The following KRT25 variants were observed in gnomAD, a reference collection of about 807,000 sequenced individuals.
KRT25 encodes keratin, type I cytoskeletal 25.
A neutral mutation model predicts 47.6 loss-of-function variants in KRT25; 37 were observed. The observed-to-expected ratio is 0.78, with a 90% CI of 0.60 to 1.02. The LOEUF is 1.02. Ranked by LOEUF, KRT25 falls within the 50% of genes least tolerant of loss-of-function variation. The pLI is 0.00. For missense variants in KRT25, 542 were observed against 550.3 expected (o/e 0.98, Z 0.15); for synonymous variants, 203 against 210.2 (o/e 0.97, Z 0.30).
intron 6 of KRT25, 75 bp downstream of exon 6, chr17:40,750,305 T>C (rs1175770211): frequency 1.1e-5 from 16 of 1,462,966 alleles, no homozygotes; most frequent in Non-Finnish European, 1.4e-5. Flanking sequence ...ATGTCCGCTT[T>C]CCAGTGGAAA....
At chr17:40,749,386 A>G (rs1376920226) in intron 6 of KRT25, 61 bp from the exon 7 acceptor site, 4 of 1,229,832 alleles carry the variant, frequency 3.3e-6, no homozygotes, top group African/African-American at 1.5e-5. Flanking sequence ...TAGGATCACC[A>G]TATGGTTTTC....
At chr17:40,748,591 C>T (rs1567659844) in intron 7 of KRT25, among the ~76,000 whole-genome samples, 1 of 152,092 alleles carries the variant, frequency 6.6e-6, no homozygotes, top group Non-Finnish European at 1.5e-5. Flanking sequence ...GCACAAATCA[C>T]TAATATTAGA....
At chr17:40,751,860 G>GTA (rs375084688) in intron 3 of KRT25, among the ~76,000 whole-genome samples, 120 of 85,706 alleles carry the variant, frequency 1.4e-3, no homozygotes, top group East Asian at 5.6e-3. Context: ...ATAAATGTAT[G>GTA]TGTGTGTGTG....
Position 40,755,042 on chromosome 17 carries a change from C to A in KRT25, c.230G>T (p.Gly77Val). ...FTVNERGLLS[G>V]NEKVTMQNLN... ...GTTCTGCATGGTCACCTTCTCATTG[C>A]CAGAAAGGAGCCCCCGCTCATTCAC... The change falls in exon 1 of 8, where the codon GGC becomes GTC. Residue 77 changes from glycine to valine, a missense_variant. Transcript: ENST00000312150. The A allele has an allele frequency of 3.7e-6, 6 of 1,614,142 alleles. No individual in the cohort carries two copies. The highest frequency in any genetic ancestry group is 4.2e-6 in the Non-Finnish European group (5 of 1,180,036).
intron 6 of KRT25, 114 bp downstream of exon 6, chr17:40,750,266 T>G: frequency 1.0e-6 from 1 of 964,660 alleles, no homozygotes; most frequent in Non-Finnish European, 1.6e-6. Context: ...TATTTAGTAT[T>G]CATGATAATA....
At position 40,748,056 on chromosome 17, in the gene KRT25, A is replaced by T; in HGVS notation, c.*221T>A. 1 of 388,532 alleles carries T rather than the reference A, an allele frequency of 2.6e-6. No homozygotes were observed. Among genetic ancestry groups the T allele is most frequent in the Non-Finnish European group, 4.5e-6 (1 of 220,368 alleles). 24.1% of individuals were successfully genotyped at this position (388,532 alleles called of 1,614,324 possible). A position where few individuals can be genotyped will look rare whatever the true frequency, so the allele number is the denominator to read the frequency against. On this transcript the variant is annotated 3_prime_UTR_variant, in exon 8 of 8. Coordinates refer to ENST00000312150, the MANE Select transcript of KRT25 (RefSeq NM_181534.4). ...AAGAAGAGGTTTATTGAATACAAAG[A>T]ATTGACAACAGATTTCTGTAGGATA...
chr17:40,750,910 A>G (rs372897425), intron 5 of KRT25, 44 bp downstream of exon 5: 3 of 1,605,812 alleles, frequency 1.9e-6, no homozygotes, highest in African/African-American at 1.3e-5. Context: ...AGTATCTAAC[A>G]TGATGACCTG....
At chr17:40,752,188 T>A (rs912965355) in intron 3 of KRT25, among the ~76,000 whole-genome samples, 1 of 152,214 alleles carries the variant, frequency 6.6e-6, no homozygotes, top group African/African-American at 2.4e-5. Flanking sequence ...GATACTGCCT[T>A]GCACATAAAT....
At chr17:40,752,590 T>G (rs911000403) in intron 3 of KRT25, among the ~76,000 whole-genome samples, 10 of 152,146 alleles carry the variant, frequency 6.6e-5, no homozygotes, top group African/African-American at 1.4e-4. Context: ...AAGAAAAAGA[T>G]AAAAAAAGAT....
intron 3 of KRT25, among the ~76,000 whole-genome samples, chr17:40,752,257 C>T (rs1255002424): frequency 6.6e-6 from 1 of 152,130 alleles, no homozygotes; most frequent in Non-Finnish European, 1.5e-5. Flanking sequence ...ATTTATTTTG[C>T]AGTCAAAGTC....
Position 40,751,145 on chromosome 17 carries a change from G to A in KRT25, c.831+20C>T. 5.0e-6 allele frequency: 8 copies of A among 1,614,050 alleles called. No individual in the cohort carries two copies. Among genetic ancestry groups the A allele is most frequent in the Non-Finnish European group, 6.8e-6 (8 of 1,179,962 alleles). ...AATACCAGTAACATGCAAAGGGACC[G>A]TTTTCTGGAGGAGAGTCACCTTCTC... On this transcript the variant is annotated intron_variant, in intron 4 of 7. Transcript: ENST00000312150.
At position 40,754,981 on chromosome 17, in the gene KRT25, C is replaced by T. The variant is rs2038092703; in HGVS notation, c.291G>A (p.Val97=). ...NDRLASYLDS[V]HALEEANADL... Reference sequence around the variant, plus strand: ...CAGCGTTGGCCTCCTCCAGAGCATGCACACTGTCCAGGTAGGATGCCAGGC... The same window carrying T: ...CAGCGTTGGCCTCCTCCAGAGCATGTACACTGTCCAGGTAGGATGCCAGGC... Residue 97 remains valine (V), a synonymous_variant, in exon 1 of 8, where the codon GTG becomes GTA. Coordinates refer to ENST00000312150, the MANE Select transcript of KRT25 (RefSeq NM_181534.4). 2 of 1,614,208 alleles carry T rather than the reference C, an allele frequency of 1.2e-6. No individual in the cohort carries two copies. Among genetic ancestry groups the T allele is most frequent in the South Asian group, 1.1e-5 (1 of 91,084 alleles).
At chr17:40,754,088 C>T in intron 2 of KRT25, 72 bp from the exon 3 acceptor site, 1 of 1,417,934 alleles carries the variant, frequency 7.1e-7, no homozygotes, top group Non-Finnish European at 9.9e-7. Flanking sequence ...TGATCAATGA[C>T]AAATGCTAGC....
intron 1 of KRT25, 125 bp downstream of exon 1, chr17:40,754,718 C>CAA (rs33924883): frequency 0.17 from 97,898 of 589,844 alleles, 3,110 homozygotes; most frequent in African/African-American, 0.29. Flanking sequence ...AACTCCTTCT[C>CAA]AAAAAAAAAA....
intron 3 of KRT25, among the ~76,000 whole-genome samples, chr17:40,751,572 T>A (rs2144125524): frequency 6.6e-6 from 1 of 152,360 alleles, no homozygotes; most frequent in Middle Eastern, 3.4e-3. Flanking sequence ...TTCTTTATTA[T>A]AGTGAGCCAA....
In KRT25 at chr17:40,751,145, G is replaced by T; in HGVS notation, c.831+20C>A. 1 of 1,614,050 alleles carries T rather than the reference G, an allele frequency of 6.2e-7. No homozygotes were observed. ...AATACCAGTAACATGCAAAGGGACC[G>T]TTTTCTGGAGGAGAGTCACCTTCTC... On this transcript the variant is annotated intron_variant, in intron 4 of 7. Transcript: ENST00000312150.
intron 4 of KRT25, 28 bp downstream of exon 4, chr17:40,751,137 A>G: frequency 1.9e-6 from 3 of 1,614,096 alleles, no homozygotes; most frequent in Non-Finnish European, 2.5e-6. Context: ...GTAACATGCA[A>G]AGGGACCGTT....
Position 40,748,127 on chromosome 17 carries a change from G to T in KRT25, c.*150C>A. The T allele has an allele frequency of 1.9e-6, 1 of 526,430 alleles. No homozygotes were observed. Among genetic ancestry groups the T allele is most frequent in the Non-Finnish European group, 3.3e-6 (1 of 300,090 alleles). 32.6% of individuals were successfully genotyped at this position (526,430 alleles called of 1,614,324 possible). On this transcript the variant is annotated 3_prime_UTR_variant, in exon 8 of 8. Coordinates refer to ENST00000312150, the MANE Select transcript of KRT25 (RefSeq NM_181534.4). Reference sequence around the variant, plus strand: ...GTGTGGCATTCTTCTAGATGAATGGGGAGATGCTGTCATTGATTGCCCAGA... The same window carrying T: ...GTGTGGCATTCTTCTAGATGAATGGTGAGATGCTGTCATTGATTGCCCAGA...
At chr17:40,753,839 A>T (rs1377793129) in intron 3 of KRT25, 21 bp downstream of exon 3, 18 of 1,611,610 alleles carry the variant, frequency 1.1e-5, no homozygotes, top group Non-Finnish European at 1.5e-5. Context: ...GGATAGCAAA[A>T]TGTAGACGAC....
Sources: gnomAD v4.1 joint callset for allele counts (sites outside exome capture counted in the v4.1 genomes callset) on GRCh38, gnomAD v4.1.1 for gene constraint, MANE v1.5 for transcripts, NCBI Gene and HGNC (gene_info 2026-07-23, HGNC 2026-07-21) for gene names.